The following BMAL1 variants were observed in gnomAD, a reference collection of about 807,000 sequenced individuals.
BMAL1 encodes basic helix-loop-helix ARNT like 1, also known as basic helix-loop-helix ARNT-like protein 1.
At chr11:13,366,862 GTGT>G in the BMAL1 span, 1 of 1,102,112 alleles carries the variant, frequency 9.1e-7, no homozygotes, top group Non-Finnish European at 1.3e-6. Context: ...GGGCGGGTGT[GTGT>G]GATGGGCTCA....
chr11:13,334,056 G>A, the BMAL1 span, among the ~76,000 whole-genome samples: 2 of 152,118 alleles, frequency 1.3e-5, no homozygotes, highest in East Asian at 1.9e-4. Flanking sequence ...AGCTCCGTAC[G>A]TGAATTGTCT....
chr11:13,296,557 C>T, the BMAL1 span, among the ~76,000 whole-genome samples: 1 of 152,178 alleles, frequency 6.6e-6, no homozygotes, highest in African/African-American at 2.4e-5. Flanking sequence ...TGTTATTACC[C>T]TCCTTTAAAA....
the BMAL1 span, among the ~76,000 whole-genome samples, chr11:13,325,621 G>A: frequency 1.9e-4 from 29 of 149,568 alleles, no homozygotes; most frequent in South Asian, 4.3e-3. Context: ...TGGCCCAGGC[G>A]TAGCCATGCT....
At chr11:13,285,608 G>A in the BMAL1 span, among the ~76,000 whole-genome samples, 1 of 152,158 alleles carries the variant, frequency 6.6e-6, no homozygotes. Context: ...CACATGTAAA[G>A]GCCCTGGGGT....
chr11:13,304,409 CT>C, the BMAL1 span, among the ~76,000 whole-genome samples: 1 of 152,198 alleles, frequency 6.6e-6, no homozygotes, highest in South Asian at 2.1e-4. Context: ...TTGGCTTTGC[CT>C]AATGAGTATT....
At chr11:13,339,618 T>G in the BMAL1 span, among the ~76,000 whole-genome samples, 5 of 152,066 alleles carry the variant, frequency 3.3e-5, no homozygotes, top group African/African-American at 1.2e-4. Context: ...CTCCTCTCCC[T>G]AGCATGCCCC....
chr11:13,378,494 A>G, the BMAL1 span: 21 of 1,569,472 alleles, frequency 1.3e-5, no homozygotes, highest in East Asian at 4.9e-4. Flanking sequence ...TTCTCAACCC[A>G]GGGAAATTTT....
At chr11:13,372,280 G>A in the BMAL1 span, 15 of 1,614,206 alleles carry the variant, frequency 9.3e-6, no homozygotes, top group Non-Finnish European at 1.2e-5. Context: ...AACCTCAGCT[G>A]CCTCGTCGCA....
At chr11:13,356,673 T>C in the BMAL1 span, 6 of 1,587,942 alleles carry the variant, frequency 3.8e-6, no homozygotes, top group East Asian at 2.2e-5. Flanking sequence ...GCCTTCTGTC[T>C]TATGATAAGA....
chr11:13,374,536 AC>A, the BMAL1 span, among the ~76,000 whole-genome samples: 1 of 152,142 alleles, frequency 6.6e-6, no homozygotes, highest in Non-Finnish European at 1.5e-5. Context: ...TTCTGTCTTG[AC>A]TAATGCTGTG....
At chr11:13,284,314 G>A in the BMAL1 span, among the ~76,000 whole-genome samples, 1 of 144,184 alleles carries the variant, frequency 6.9e-6, no homozygotes. Context: ...TAGATAGTAA[G>A]GGACACATTG....
the BMAL1 span, among the ~76,000 whole-genome samples, chr11:13,279,182 C>G: frequency 6.6e-6 from 1 of 152,262 alleles, no homozygotes; most frequent in Non-Finnish European, 1.5e-5. Context: ...ACCGCTACTC[C>G]TCAGCGAGGA....
the BMAL1 span, among the ~76,000 whole-genome samples, chr11:13,322,025 T>C: frequency 6.6e-5 from 10 of 152,166 alleles, no homozygotes; most frequent in Non-Finnish European, 1.2e-4. Context: ...GTTATCACCA[T>C]GTGAGGCTGG....
chr11:13,374,135 G>A, the BMAL1 span: 1 of 1,613,882 alleles, frequency 6.2e-7, no homozygotes, highest in Non-Finnish European at 8.5e-7. Context: ...AGAACTTCTA[G>A]GCACATCGTG....
At chr11:13,356,926 C>T in the BMAL1 span, 6 of 1,584,768 alleles carry the variant, frequency 3.8e-6, no homozygotes, top group African/African-American at 6.8e-5. Flanking sequence ...CTGTGTCCCT[C>T]CAACCCCCAG....
chr11:13,297,659 T>C, the BMAL1 span, among the ~76,000 whole-genome samples: 2 of 152,186 alleles, frequency 1.3e-5, no homozygotes, highest in Non-Finnish European at 2.9e-5. Context: ...AGCCTGCCCT[T>C]TCCCAAGTGT....
At chr11:13,284,208 ATG>A in the BMAL1 span, among the ~76,000 whole-genome samples, 6 of 43,618 alleles carry the variant, frequency 1.4e-4, no homozygotes, top group African/African-American at 2.1e-4. Context: ...GTATATATAT[ATG>A]TGTATATATA....
chr11:13,283,861 C>G, the BMAL1 span, among the ~76,000 whole-genome samples: 1 of 152,118 alleles, frequency 6.6e-6, no homozygotes, highest in Admixed American at 6.5e-5. Context: ...CAGCATTGCT[C>G]TGACCCAGGC....
chr11:13,384,185 A>C, the BMAL1 span, among the ~76,000 whole-genome samples: 18 of 152,200 alleles, frequency 1.2e-4, no homozygotes, highest in Non-Finnish European at 2.4e-4. Flanking sequence ...CCAATGATAA[A>C]ATCTGAGCTT....
Sources: gnomAD v4.1 joint callset for allele counts (sites outside exome capture counted in the v4.1 genomes callset) on GRCh38, gnomAD v4.1.1 for gene constraint, MANE v1.5 for transcripts, NCBI Gene and HGNC (gene_info 2026-07-23, HGNC 2026-07-21) for gene names.